MAP4: variants seen among roughly 807,000 people sequenced by gnomAD.
The protein encoded by MAP4 is microtubule-associated protein 4.
MAP4 carries 76 observed loss-of-function variants against 170.2 expected under a neutral mutation model. The observed-to-expected ratio is 0.45, with a 90% CI of 0.37 to 0.54. The LOEUF (loss-of-function observed/expected upper bound fraction) is 0.54. Among genes scored for constraint, MAP4 ranks in the 20% least tolerant of loss-of-function variants. The probability of loss-of-function intolerance (pLI) is 0.00; values close to 1 mark genes in which losing one functional copy is unlikely to be tolerated. For missense variants in MAP4, 2,506 were observed against 2,748.0 expected, an observed-to-expected ratio of 0.91 and a Z score of 1.97; for synonymous variants, 909 against 994.5, an observed-to-expected ratio of 0.91 and a Z score of 1.62.
intron 3 of MAP4, among the ~76,000 whole-genome samples, chr3:47,939,720 T>C (rs2153986904): frequency 6.6e-6 from 1 of 152,218 alleles, no homozygotes; most frequent in Non-Finnish European, 1.5e-5. Flanking sequence ...TTTTTTTTTT[T>C]TTTTTAAACA....
rs1282970136 is a variant in MAP4 at position 47,909,729 on chromosome 3, T to C, written c.4692A>G (p.Val1564=). The change falls in exon 9 of 21, where the codon GTA becomes GTG. Residue 1564 remains valine (V), a synonymous_variant. Coordinates refer to ENST00000683076, the MANE Select transcript of MAP4 (RefSeq NM_001385682.1). The part of the protein sequence containing the change: ...SVHSGASKHS[V]EKVTELAKGH... ...CTTTTGCTAGCTCTGTGACTTTCTC[T>C]ACTGAATGCTTAGACGCACCACTGT... The C allele has an allele frequency of 2.5e-6, 4 of 1,614,042 alleles. No homozygotes were observed. Among genetic ancestry groups the C allele is most frequent in the Non-Finnish European group, 3.4e-6 (4 of 1,179,890 alleles).
Position 47,869,226 on chromosome 3 carries a change from T to C in MAP4, c.6396A>G (p.Gln2132=). The C allele has an allele frequency of 6.2e-7, 1 of 1,612,238 alleles. No homozygotes were observed. The highest frequency in any genetic ancestry group is 8.5e-7 in the Non-Finnish European group (1 of 1,178,264). Residue 2132 remains glutamine, a synonymous_variant, in exon 16 of 21, where the codon CAA becomes CAG. Coordinates refer to ENST00000683076, the MANE Select transcript of MAP4 (RefSeq NM_001385682.1). ...AAATAAAACTCACTTTCCCCGCAGG[T>C]TGTTTCTGTGCACTTGCAATTGGGC... ...TAGPIASAQK[Q]PAGKVQIVSK... is the part of the protein sequence containing the mutation.
intron 1 of MAP4, among the ~76,000 whole-genome samples, chr3:48,045,078 GA>G (rs1340196724): frequency 6.6e-6 from 1 of 151,642 alleles, no homozygotes; most frequent in Non-Finnish European, 1.5e-5. Context: ...ACAACATGGT[GA>G]AAACCCATCT....
intron 3 of MAP4, among the ~76,000 whole-genome samples, chr3:47,942,411 C>T (rs867698043): frequency 5.9e-5 from 9 of 151,910 alleles, no homozygotes; most frequent in African/African-American, 1.5e-4. Context: ...GATGGGGTCT[C>T]ACTTTGTTGC....
chr3:48,056,125 G>GC (rs567873724), intron 1 of MAP4, among the ~76,000 whole-genome samples: 195 of 134,884 alleles, frequency 1.4e-3, no homozygotes, highest in South Asian at 8.6e-3. Context: ...GGGGGGGTCA[G>GC]CCCCCCGCCC....
intron 1 of MAP4, among the ~76,000 whole-genome samples, chr3:48,035,592 C>G (rs1161566695): frequency 6.6e-6 from 1 of 151,840 alleles, no homozygotes; most frequent in East Asian, 1.9e-4. Flanking sequence ...CGTGATGGCA[C>G]CACTGCACTC....
intron 5 of MAP4, among the ~76,000 whole-genome samples, chr3:47,921,222 T>C (rs1288565424): frequency 6.6e-6 from 1 of 152,204 alleles, no homozygotes; most frequent in Non-Finnish European, 1.5e-5. Flanking sequence ...GAGAGCCTTG[T>C]CACACCCACA....
At chr3:48,088,110 G>A (rs539833299) in intron 1 of MAP4, among the ~76,000 whole-genome samples, 6 of 152,118 alleles carry the variant, frequency 3.9e-5, no homozygotes, top group Non-Finnish European at 8.8e-5. Context: ...TGTTCCATGT[G>A]CTAAATCACA....
chr3:48,087,000 A>C (rs1346572137), intron 1 of MAP4, among the ~76,000 whole-genome samples: 1 of 152,104 alleles, frequency 6.6e-6, no homozygotes, highest in Admixed American at 6.6e-5. Flanking sequence ...TATCTGTGTG[A>C]CCTCTTCTTC....
chr3:47,864,447 C>A (rs548809702), intron 17 of MAP4, among the ~76,000 whole-genome samples: 1 of 152,006 alleles, frequency 6.6e-6, no homozygotes, highest in South Asian at 2.1e-4. Flanking sequence ...GAGGCCGAGG[C>A]GGGCGGATCA....
chr3:48,018,582 G>C (rs1038964529), upstream of MAP4, among the ~76,000 whole-genome samples: 1 of 152,056 alleles, frequency 6.6e-6, no homozygotes, highest in African/African-American at 2.4e-5. Context: ...GAGGTGGGTG[G>C]ATTATGAGGT....
intron 17 of MAP4, among the ~76,000 whole-genome samples, chr3:47,863,786 G>A (rs933743425): frequency 3.3e-5 from 5 of 151,900 alleles, no homozygotes; most frequent in African/African-American, 9.7e-5. Context: ...CTCCGCTGGT[G>A]TCCTCCTGGC....
At chr3:47,889,936 A>T (rs1276358035) in intron 10 of MAP4, among the ~76,000 whole-genome samples, 1 of 140,462 alleles carries the variant, frequency 7.1e-6, no homozygotes, top group African/African-American at 2.6e-5. Context: ...TTATCTCCAT[A>T]AAAAAAAAAA....
intron 1 of MAP4, among the ~76,000 whole-genome samples, chr3:48,038,938 C>T (rs563948765): frequency 2.0e-5 from 3 of 151,886 alleles, no homozygotes; most frequent in Admixed American, 6.6e-5. Context: ...CCAGTCTCTA[C>T]AAAAAATACA....
intron 4 of MAP4, among the ~76,000 whole-genome samples, chr3:47,926,881 T>C (rs141797142): frequency 0.014 from 2,061 of 152,168 alleles, 23 homozygotes; most frequent in Middle Eastern, 0.048. Flanking sequence ...CTGTGAATTA[T>C]TGGCCAGGCG....
intron 3 of MAP4, among the ~76,000 whole-genome samples, chr3:47,939,598 A>G (rs959532910): frequency 6.6e-6 from 1 of 152,164 alleles, no homozygotes; most frequent in Non-Finnish European, 1.5e-5. Context: ...TTAAAAAAGC[A>G]TAAGGAATTC....
chr3:47,951,972 C>CT (rs1162932772), intron 3 of MAP4, among the ~76,000 whole-genome samples: 2 of 148,092 alleles, frequency 1.4e-5, no homozygotes, highest in African/African-American at 5.0e-5. Flanking sequence ...CGCCCACTGT[C>CT]TGAGATGTGG....
rs1280741842 is a variant in MAP4 at position 47,877,499 on chromosome 3, C to T, written c.5459G>A (p.Arg1820Lys). ...ATTTCCTGTCCCACTCACCACAGGCCTTCCTTCTTCTGGCCTGGCTATTCC... is the reference window on the plus strand; with the variant it reads ...ATTTCCTGTCCCACTCACCACAGGCTTTCCTTCTTCTGGCCTGGCTATTCC... ...VYGIARPEEG[R>K]PVVSGTGNDI... is the part of the protein sequence containing the mutation. The change falls in exon 11 of 21, where the codon AGG becomes AAG. Residue 1820 changes from arginine (R) to lysine (K), a missense_variant. Physicochemically the swap from Arg to Lys is conservative, Grantham distance 26. This residue lies in a region of MAP4 where 2,008 missense variants were observed against 2,206.0 expected (regional missense o/e 0.91). Transcript: ENST00000683076. 3.1e-6 allele frequency: 5 copies of T among 1,613,812 alleles called. No homozygotes were observed. In the South Asian group the frequency reaches 3.3e-5, roughly 11 times the overall value.
In MAP4 at chr3:47,917,071, T is replaced by G; in HGVS notation, c.756A>C (p.Pro252=). The G allele has an allele frequency of 6.2e-7, 1 of 1,614,232 alleles. No homozygotes were observed. The highest frequency in any genetic ancestry group is 8.5e-7 in the Non-Finnish European group (1 of 1,180,034). Residue 252 remains proline, a synonymous_variant, in exon 7 of 21, where the codon CCA becomes CCC. Transcript: ENST00000683076. ...MMGLKTTDMA[P]SKETEMALAK... is the part of the protein sequence containing the mutation. ...CGAGGGCCATCTCTGTTTCTTTAGA[T>G]GGTGCCATGTCAGTAGTCTTCAGTC...
Sources: gnomAD v4.1 joint callset for allele counts (sites outside exome capture counted in the v4.1 genomes callset) on GRCh38, gnomAD v4.1.1 for gene constraint, gnomAD v4.1.1 regional missense constraint, MANE v1.5 for transcripts, NCBI Gene and HGNC (gene_info 2026-07-23, HGNC 2026-07-21) for gene names.